Variants in CHODL observed in about 807,000 individuals in gnomAD.
CHODL encodes the protein chondrolectin, also known as transmembrane protein MT75.
Under a neutral mutation model 34.5 loss-of-function variants are expected in CHODL, and 29 were observed. That is an observed-to-expected ratio of 0.84 (90% CI 0.63 to 1.15). The LOEUF is 1.15. CHODL is among the 50% of genes most tolerant of loss of function. The pLI is 0.00. For synonymous variants in CHODL, 125 were observed against 116.1 expected, an observed-to-expected ratio of 1.08 and a Z score of -0.49; for missense variants, 332 against 332.5, an observed-to-expected ratio of 1.00 and a Z score of 0.01.
At chr21:18,102,602 A>G (rs1265344541) in intron 2 of CHODL, among the ~76,000 whole-genome samples, 2 of 152,226 alleles carry the variant, frequency 1.3e-5, no homozygotes, top group African/African-American at 4.8e-5. Flanking sequence ...TGTTTAACAA[A>G]AAATCACTGG....
At chr21:18,017,865 G>A (rs1161892907) in intron 1 of CHODL, among the ~76,000 whole-genome samples, 3 of 152,226 alleles carry the variant, frequency 2.0e-5, no homozygotes, top group Admixed American at 1.3e-4. Context: ...AGAAGCTGTG[G>A]AGCCTGAACA....
intron 2 of CHODL, among the ~76,000 whole-genome samples, chr21:18,189,023 G>A (rs987715468): frequency 5.9e-5 from 9 of 152,242 alleles, no homozygotes; most frequent in Non-Finnish European, 5.9e-5. Context: ...GCCCTTGTGC[G>A]CAATAATGGT....
rs71318121 is a variant in CHODL, at chr21:18,060,709, C to CAAAAA, written c.-45+32748_-45+32752dup. Among the ~76,000 whole-genome samples the CAAAAA allele has an allele frequency of 8.2e-5, 10 of 121,354 alleles. 1 individual carries two copies. The highest frequency in any genetic ancestry group is 4.8e-3 in the Middle Eastern group (1 of 208). The allele number at this position is 121,354 out of a possible 152,430, so 79.6% of individuals were successfully genotyped here. A position where few individuals can be genotyped will look rare whatever the true frequency, so the allele number is the denominator to read the frequency against. ...CAGTAGTAAATCTTACTCCTCGGAC[C>CAAAAA]AAAAAAAAAAAAAAGAAAGCAAGCA... On this transcript the variant is annotated intron_variant, in intron 2 of 6. Coordinates refer to the CHODL transcript ENST00000400127.
At chr21:18,254,386 AAGCTAAAAT>A (rs2074291770) in intron 1 of CHODL, among the ~76,000 whole-genome samples, 2 of 152,112 alleles carry the variant, frequency 1.3e-5, no homozygotes, top group South Asian at 4.1e-4. Flanking sequence ...GTCCAAATCT[AAGCTAAAAT>A]AGGGCAAGAC....
At chr21:18,179,910 A>G (rs1468501797) in intron 2 of CHODL, among the ~76,000 whole-genome samples, 1 of 152,174 alleles carries the variant, frequency 6.6e-6, no homozygotes, top group Non-Finnish European at 1.5e-5. Context: ...ATTAACTGAA[A>G]CAAATTTGAA....
intron 2 of CHODL, among the ~76,000 whole-genome samples, chr21:18,142,049 A>G (rs2072810234): frequency 6.6e-6 from 1 of 152,160 alleles, no homozygotes; most frequent in Non-Finnish European, 1.5e-5. Flanking sequence ...TTACAGAAAT[A>G]TGTTTGCTTT....
chr21:18,033,184 A>G (rs772838219), intron 2 of CHODL, among the ~76,000 whole-genome samples: 11 of 152,148 alleles, frequency 7.2e-5, no homozygotes, highest in Admixed American at 3.3e-4. Context: ...ATGCAACACA[A>G]AATATTTTGG....
chr21:18,145,446 A>C (rs901534565), intron 2 of CHODL, among the ~76,000 whole-genome samples: 56 of 151,218 alleles, frequency 3.7e-4, no homozygotes, highest in African/African-American at 1.4e-3. Flanking sequence ...AAAAAAAAAA[A>C]AAAAAAAAAA....
At chr21:18,048,185 G>A (rs1044767886) in intron 2 of CHODL, among the ~76,000 whole-genome samples, 2 of 151,888 alleles carry the variant, frequency 1.3e-5, no homozygotes, top group African/African-American at 4.8e-5. Flanking sequence ...GAGAAAAAGA[G>A]GAGGAATTGA....
At chr21:18,245,897 G>T in intron 1 of CHODL, 1 of 1,535,478 alleles carries the variant, frequency 6.5e-7, no homozygotes, top group Non-Finnish European at 8.7e-7. Context: ...CCAAGTTGGG[G>T]ACTTCCCAGA....
intron 2 of CHODL, among the ~76,000 whole-genome samples, chr21:18,181,596 G>T (rs1215579023): frequency 6.6e-6 from 1 of 152,140 alleles, no homozygotes; most frequent in Non-Finnish European, 1.5e-5. Flanking sequence ...TAGAGACGGG[G>T]TTTCACCGTG....
chr21:17,968,013 G>A (rs1479061547), intron 1 of CHODL, among the ~76,000 whole-genome samples: 4 of 152,156 alleles, frequency 2.6e-5, no homozygotes, highest in African/African-American at 4.8e-5. Context: ...GCATCATTGC[G>A]GAAGTTGTGC....
intron 2 of CHODL, among the ~76,000 whole-genome samples, chr21:18,188,158 A>C (rs1177455583): frequency 2.0e-5 from 3 of 151,968 alleles, no homozygotes; most frequent in African/African-American, 4.8e-5. Context: ...TTTCATCACA[A>C]TACCCTAAAC....
At chr21:18,081,968 A>G (rs766961371) in intron 2 of CHODL, among the ~76,000 whole-genome samples, 10 of 152,102 alleles carry the variant, frequency 6.6e-5, no homozygotes, top group Non-Finnish European at 4.4e-5. Flanking sequence ...ATTGATTTGC[A>G]TATGTTTAAC....
chr21:18,139,614 G>T (rs1454696012), intron 2 of CHODL, among the ~76,000 whole-genome samples: 1 of 152,028 alleles, frequency 6.6e-6, no homozygotes, highest in African/African-American at 2.4e-5. Context: ...GGAATCCTGG[G>T]AAATTTAAGA....
intron 2 of CHODL, among the ~76,000 whole-genome samples, chr21:18,059,219 A>G (rs1355760890): frequency 6.6e-6 from 1 of 152,198 alleles, no homozygotes. Context: ...GTGAGGACAC[A>G]TGAAAGCGGC....
At chr21:18,125,091 CGCTA>C (rs988984887) in intron 2 of CHODL, among the ~76,000 whole-genome samples, 32 of 152,202 alleles carry the variant, frequency 2.1e-4, no homozygotes, top group African/African-American at 7.5e-4. Context: ...CTCCAACACT[CGCTA>C]GCTGTTTAGT....
chr21:18,149,224 T>C (rs560874100), intron 2 of CHODL, among the ~76,000 whole-genome samples: 16 of 152,332 alleles, frequency 1.1e-4, no homozygotes, highest in African/African-American at 3.8e-4. Context: ...CTATTCCATC[T>C]GACAATAATT....
At chr21:18,118,959 G>A (rs545469128) in intron 2 of CHODL, among the ~76,000 whole-genome samples, 4 of 152,144 alleles carry the variant, frequency 2.6e-5, no homozygotes, top group Non-Finnish European at 4.4e-5. Context: ...AGAGTCAGCC[G>A]GCCTTGCTCC....
Sources: gnomAD v4.1 joint callset for allele counts (sites outside exome capture counted in the v4.1 genomes callset) on GRCh38, gnomAD v4.1.1 for gene constraint, MANE v1.5 for transcripts, NCBI Gene and HGNC (gene_info 2026-07-23, HGNC 2026-07-21) for gene names.